Variants in PABPC4L observed in about 807,000 individuals in gnomAD.
PABPC4L encodes the protein polyadenylate-binding protein 4-like.
For missense variants in PABPC4L, 452 were observed against 451.4 expected, an observed-to-expected ratio of 1.00 and a Z score of -0.01; for synonymous variants, 169 against 164.1, an observed-to-expected ratio of 1.03 and a Z score of -0.23.
At chr4:133,979,094 A>G in the PABPC4L span, among the ~76,000 whole-genome samples, 1 of 152,334 alleles carries the variant, frequency 6.6e-6, no homozygotes, top group Non-Finnish European at 1.5e-5. Context: ...AAGATTTTCC[A>G]TGTTCATGGG....
rs1156620244 is a variant in PABPC4L, at chr4:134,197,493, T to C, written c.*2414A>G. 1.3e-5 allele frequency: 2 copies of C among 151,684 alleles called. No individual in the cohort carries two copies. The highest frequency in any genetic ancestry group is 6.6e-5 in the Admixed American group (1 of 15,230). The allele number at this position is 151,684 out of a possible 1,614,324, so 9.4% of individuals were successfully genotyped here. ...CCATTTCAGTAGAATACTAAAACTTTCCAGCTTAACATTCAATTTTGGAAT... is the reference window on the plus strand; with the variant it reads ...CCATTTCAGTAGAATACTAAAACTTCCCAGCTTAACATTCAATTTTGGAAT... On this transcript the variant is annotated 3_prime_UTR_variant, in exon 2 of 2. Transcript: ENST00000421491.
chr4:133,956,753 G>A, the PABPC4L span, among the ~76,000 whole-genome samples: 1 of 152,258 alleles, frequency 6.6e-6, no homozygotes, highest in South Asian at 2.1e-4. Flanking sequence ...AAGGCCTCAG[G>A]AAACTTACAA....
the PABPC4L span, among the ~76,000 whole-genome samples, chr4:134,067,171 G>A: frequency 1.3e-5 from 2 of 151,942 alleles, no homozygotes; most frequent in East Asian, 3.9e-4. Context: ...CTGAACTTTT[G>A]CCGGTTGGTA....
the PABPC4L span, among the ~76,000 whole-genome samples, chr4:134,148,874 T>C: frequency 4.6e-5 from 7 of 151,948 alleles, no homozygotes; most frequent in African/African-American, 7.3e-5. Flanking sequence ...TTTTTGGTAG[T>C]ATCTTCAATA....
At chr4:134,144,699 G>A in the PABPC4L span, among the ~76,000 whole-genome samples, 14 of 151,314 alleles carry the variant, frequency 9.3e-5, no homozygotes, top group East Asian at 7.7e-4. Flanking sequence ...TATTATACTC[G>A]GGACCCTGCT....
At chr4:134,116,513 T>C in the PABPC4L span, among the ~76,000 whole-genome samples, 3 of 151,832 alleles carry the variant, frequency 2.0e-5, no homozygotes, top group Admixed American at 6.6e-5. Context: ...CTTTCTAGTG[T>C]AGGAGAAAAT....
chr4:134,122,119 T>C, the PABPC4L span, among the ~76,000 whole-genome samples: 51 of 151,972 alleles, frequency 3.4e-4, no homozygotes, highest in African/African-American at 1.2e-3. Flanking sequence ...TCATATTCAC[T>C]TGTGTTTGGT....
the PABPC4L span, among the ~76,000 whole-genome samples, chr4:134,049,410 A>C: frequency 2.0e-5 from 3 of 152,268 alleles, no homozygotes; most frequent in African/African-American, 7.2e-5. Context: ...CTTATAAAGC[A>C]TACAATTGAG....
At chr4:134,164,403 T>C in the PABPC4L span, among the ~76,000 whole-genome samples, 1 of 151,450 alleles carries the variant, frequency 6.6e-6, no homozygotes. Context: ...AAAAGACTCC[T>C]AGATTTTATA....
chr4:134,129,215 A>G, the PABPC4L span, among the ~76,000 whole-genome samples: 1 of 152,132 alleles, frequency 6.6e-6, no homozygotes, highest in Non-Finnish European at 1.5e-5. Context: ...AAACAGCAAC[A>G]TAATAATAGT....
At chr4:134,105,121 G>A in the PABPC4L span, among the ~76,000 whole-genome samples, 1 of 151,702 alleles carries the variant, frequency 6.6e-6, no homozygotes, top group African/African-American at 2.4e-5. Flanking sequence ...AGTGACAGGA[G>A]TATTCCAGAG....
At chr4:134,191,509 T>C (rs1307664397), downstream of PABPC4L, among the ~76,000 whole-genome samples, 1 of 151,844 alleles carries the variant, frequency 6.6e-6, no homozygotes, top group East Asian at 1.9e-4. Flanking sequence ...CCAACCACAA[T>C]GGAATGATAT....
chr4:133,990,595 G>C, the PABPC4L span, among the ~76,000 whole-genome samples: 16 of 152,132 alleles, frequency 1.1e-4, no homozygotes, highest in Admixed American at 4.6e-4. Context: ...CCACCAATGA[G>C]AGTGCAGCAC....
the PABPC4L span, among the ~76,000 whole-genome samples, chr4:133,967,291 C>T: frequency 6.6e-6 from 1 of 151,918 alleles, no homozygotes; most frequent in Non-Finnish European, 1.5e-5. Context: ...AGCAATATAG[C>T]AAGACCCAGA....
chr4:134,137,812 A>G, the PABPC4L span, among the ~76,000 whole-genome samples: 2 of 151,992 alleles, frequency 1.3e-5, no homozygotes, highest in Admixed American at 6.6e-5. Context: ...TCCTTCTAAA[A>G]TAATGAAGAA....
At chr4:134,044,814 G>A in the PABPC4L span, among the ~76,000 whole-genome samples, 3 of 152,258 alleles carry the variant, frequency 2.0e-5, no homozygotes, top group South Asian at 6.2e-4. Context: ...TTAATGATGT[G>A]TCACCTACAT....
At chr4:133,993,378 G>A in the PABPC4L span, among the ~76,000 whole-genome samples, 1 of 152,150 alleles carries the variant, frequency 6.6e-6, no homozygotes, top group Non-Finnish European at 1.5e-5. Context: ...ATGTAAGCCA[G>A]ACCATTATCA....
chr4:134,065,833 C>G, the PABPC4L span, among the ~76,000 whole-genome samples: 1 of 151,998 alleles, frequency 6.6e-6, no homozygotes, highest in East Asian at 1.9e-4. Context: ...ATCTTTTGCA[C>G]CTGGCAAGCC....
At chr4:134,061,305 ATAAT>A in the PABPC4L span, among the ~76,000 whole-genome samples, 1 of 152,036 alleles carries the variant, frequency 6.6e-6, no homozygotes, top group African/African-American at 2.4e-5. Context: ...AATCAAATAA[ATAAT>A]TCAAAAAATT....
Sources: allele counts gnomAD v4.1 joint callset (sites outside exome capture counted in the v4.1 genomes callset), GRCh38; gene constraint gnomAD v4.1.1; transcripts MANE v1.5; gene names NCBI Gene and HGNC (gene_info 2026-07-23, HGNC 2026-07-21).